Variants in KCNH7 observed in about 807,000 individuals in gnomAD.
The protein encoded by KCNH7 is voltage-gated inwardly rectifying potassium channel KCNH7.
In KCNH7, 49 loss-of-function variants were observed where a neutral mutation model predicts 120.8. The ratio of observed to expected loss-of-function variants is 0.41; its 90% CI spans 0.32 to 0.51. The LOEUF (loss-of-function observed/expected upper bound fraction) is 0.51. Ranked by LOEUF, KCNH7 falls within the 20% of genes least tolerant of loss-of-function variation. KCNH7 has a pLI of 0.38. For synonymous variants in KCNH7, 547 were observed against 516.1 expected, an observed-to-expected ratio of 1.06 and a Z score of -0.81; for missense variants, 1,097 against 1,446.6, an observed-to-expected ratio of 0.76 and a Z score of 3.92.
chr2:162,673,935 C>T (rs1685448267), intron 2 of KCNH7, among the ~76,000 whole-genome samples: 2 of 151,870 alleles, frequency 1.3e-5, no homozygotes, highest in African/African-American at 4.8e-5. Context: ...AACAACAAAA[C>T]ATACTTACAT....
chr2:162,606,914 T>C (rs915097317), intron 2 of KCNH7, among the ~76,000 whole-genome samples: 2 of 152,178 alleles, frequency 1.3e-5, no homozygotes, highest in Non-Finnish European at 2.9e-5. Context: ...TTAAATTTTA[T>C]AGCATTCAAA....
At chr2:162,701,054 C>A (rs1286051700) in intron 2 of KCNH7, among the ~76,000 whole-genome samples, 2 of 152,112 alleles carry the variant, frequency 1.3e-5, no homozygotes, top group Non-Finnish European at 2.9e-5. Context: ...TAAGGAAGGA[C>A]AATCACATTG....
intron 2 of KCNH7, among the ~76,000 whole-genome samples, chr2:162,830,279 T>C (rs909992802): frequency 5.3e-5 from 8 of 152,154 alleles, no homozygotes; most frequent in African/African-American, 1.7e-4. Flanking sequence ...AGAGCCTCAG[T>C]AGAAGAAAAA....
rs529094358 is a variant in KCNH7, at chr2:162,718,159, G to A, written c.307+118378C>T. On this transcript the variant is annotated intron_variant, in intron 2 of 15. Coordinates refer to ENST00000332142, the MANE Select transcript of KCNH7 (RefSeq NM_033272.4). ...TTAGTTGATCTCTTAACACTTGACA[G>A]AGAAAGAAATCTGCACCTAAAATGT... Among the ~76,000 whole-genome samples the A allele has an allele frequency of 4.8e-3, 727 of 151,978 alleles. 9 individuals are homozygous for A. The highest frequency in any genetic ancestry group is 0.017 in the African/African-American group (693 of 41,492).
chr2:162,637,250 C>T (rs1683993035), intron 2 of KCNH7, among the ~76,000 whole-genome samples: 1 of 151,980 alleles, frequency 6.6e-6, no homozygotes, highest in Non-Finnish European at 1.5e-5. Flanking sequence ...TAATCCTTCC[C>T]TATGTGACCT....
chr2:162,743,864 T>C (rs928983433), intron 2 of KCNH7, among the ~76,000 whole-genome samples: 5 of 152,104 alleles, frequency 3.3e-5, no homozygotes, highest in African/African-American at 1.2e-4. Flanking sequence ...AGAGAAATAA[T>C]ATATTTTAAA....
chr2:162,481,961 CT>C (rs1170854285), intron 6 of KCNH7, among the ~76,000 whole-genome samples: 4 of 143,526 alleles, frequency 2.8e-5, no homozygotes, highest in South Asian at 2.2e-4. Flanking sequence ...ATCTATCTAT[CT>C]ATCATCTATC....
chr2:162,704,604 G>C (rs1686630475), intron 2 of KCNH7, among the ~76,000 whole-genome samples: 1 of 152,182 alleles, frequency 6.6e-6, no homozygotes, highest in Admixed American at 6.6e-5. Context: ...TATCCAGCTA[G>C]AATTTCTCTT....
chr2:162,486,900 C>T (rs1158981023), intron 6 of KCNH7, among the ~76,000 whole-genome samples: 1 of 152,126 alleles, frequency 6.6e-6, no homozygotes, highest in Non-Finnish European at 1.5e-5. Context: ...GAACCTTAAA[C>T]ATGCTAATTT....
chr2:162,467,656 T>C (rs781612643), intron 6 of KCNH7, among the ~76,000 whole-genome samples: 4 of 152,218 alleles, frequency 2.6e-5, no homozygotes, highest in Non-Finnish European at 5.9e-5. Context: ...GGCTCAGACA[T>C]TCCTTTATAG....
intron 2 of KCNH7, among the ~76,000 whole-genome samples, chr2:162,746,540 CT>C (rs995917519): frequency 9.2e-5 from 14 of 152,040 alleles, no homozygotes; most frequent in African/African-American, 2.9e-4. Flanking sequence ...AGACTTTACA[CT>C]TTTTTTTCCC....
chr2:162,440,357 G>T (rs1306716116), intron 7 of KCNH7, among the ~76,000 whole-genome samples: 2 of 151,706 alleles, frequency 1.3e-5, no homozygotes, highest in Non-Finnish European at 2.9e-5. Context: ...ATAAATATTT[G>T]GGTGCAAGTG....
At chr2:162,509,550 T>C (rs1690994905) in intron 5 of KCNH7, among the ~76,000 whole-genome samples, 1 of 151,648 alleles carries the variant, frequency 6.6e-6, no homozygotes, top group Non-Finnish European at 1.5e-5. Flanking sequence ...TCAATAAGTA[T>C]AAGGCAACCA....
chr2:162,601,536 T>C (rs1416925940), intron 2 of KCNH7, among the ~76,000 whole-genome samples: 2 of 150,976 alleles, frequency 1.3e-5, no homozygotes, highest in African/African-American at 2.4e-5. Context: ...TCATGTTCCC[T>C]AACAAACTAT....
intron 6 of KCNH7, among the ~76,000 whole-genome samples, chr2:162,477,988 CAAAT>C (rs1360695972): frequency 6.6e-6 from 1 of 152,076 alleles, no homozygotes; most frequent in African/African-American, 2.4e-5. Flanking sequence ...AATAAGTACA[CAAAT>C]AAAGATTTCA....
chr2:162,784,170 G>GA (rs564648218), intron 2 of KCNH7, among the ~76,000 whole-genome samples: 1,887 of 150,264 alleles, frequency 0.013, 44 homozygotes, highest in African/African-American at 0.042. Context: ...AACTAAAAAT[G>GA]AAAAAAAAAT....
chr2:162,671,664 G>A (rs1178587082), intron 2 of KCNH7, among the ~76,000 whole-genome samples: 1 of 151,738 alleles, frequency 6.6e-6, no homozygotes. Flanking sequence ...TCACCACTAT[G>A]CAATATATCT....
chr2:162,674,204 A>G (rs1042243143), intron 2 of KCNH7, among the ~76,000 whole-genome samples: 2 of 151,822 alleles, frequency 1.3e-5, no homozygotes, highest in African/African-American at 4.8e-5. Context: ...ATTCAATCAC[A>G]TTTATATATA....
chr2:162,464,265 C>T (rs1047885733), intron 6 of KCNH7, among the ~76,000 whole-genome samples: 8 of 151,910 alleles, frequency 5.3e-5, no homozygotes, highest in African/African-American at 1.9e-4. Context: ...GAGGCAATTT[C>T]TCTTGATTCT....
Sources: allele counts gnomAD v4.1 joint callset (sites outside exome capture counted in the v4.1 genomes callset), GRCh38; gene constraint gnomAD v4.1.1; transcripts MANE v1.5; gene names NCBI Gene and HGNC (gene_info 2026-07-23, HGNC 2026-07-21).